The following LRRC49 variants were observed in gnomAD, a reference collection of about 807,000 sequenced individuals.
LRRC49 encodes the protein leucine-rich repeat-containing protein 49.
In LRRC49, 50 loss-of-function variants were observed where a neutral mutation model predicts 83.3. The ratio of observed to expected loss-of-function variants is 0.60; its 90% CI spans 0.48 to 0.76. The LOEUF is 0.76. Ranked by LOEUF, LRRC49 falls within the 30% of genes least tolerant of loss-of-function variation. The probability of loss-of-function intolerance (pLI) is 0.00; values close to 1 mark genes in which losing one functional copy is unlikely to be tolerated. For missense variants in LRRC49, 704 were observed against 809.1 expected (o/e 0.87, Z 1.58); for synonymous variants, 286 against 283.3 (o/e 1.01, Z -0.10).
At chr15:70,910,799 G>T (rs1179017284) in intron 5 of LRRC49, among the ~76,000 whole-genome samples, 2 of 152,066 alleles carry the variant, frequency 1.3e-5, no homozygotes, top group African/African-American at 2.4e-5. Flanking sequence ...TGAGTGCTGG[G>T]GATAGAGTAG....
intron 1 of LRRC49, among the ~76,000 whole-genome samples, chr15:70,866,721 G>GTATA (rs1180107439): frequency 1.3e-5 from 2 of 152,104 alleles, no homozygotes; most frequent in Non-Finnish European, 2.9e-5. Flanking sequence ...CATTGGCTAA[G>GTATA]CAGCACTGGA....
At chr15:71,033,015 A>G (rs1447199462) in intron 14 of LRRC49, among the ~76,000 whole-genome samples, 1 of 152,224 alleles carries the variant, frequency 6.6e-6, no homozygotes, top group African/African-American at 2.4e-5. Context: ...TGGCCAGGGC[A>G]ATCAGGCAAG....
intron 11 of LRRC49, among the ~76,000 whole-genome samples, chr15:71,001,086 A>G (rs2038238681): frequency 6.6e-6 from 1 of 152,300 alleles, no homozygotes; most frequent in East Asian, 1.9e-4. Context: ...CCTTTACCAC[A>G]TTGAGATTTT....
At chr15:70,884,413 G>A (rs2033348323) in intron 2 of LRRC49, among the ~76,000 whole-genome samples, 2 of 152,080 alleles carry the variant, frequency 1.3e-5, no homozygotes, top group African/African-American at 2.4e-5. Flanking sequence ...TCAGCTATTC[G>A]GGAGGCTGAG....
At chr15:70,882,948 C>T (rs1004604265) in intron 2 of LRRC49, 27 of 1,604,092 alleles carry the variant, frequency 1.7e-5, no homozygotes, top group Non-Finnish European at 2.1e-5. Context: ...TTAAAGTGTA[C>T]CTTATAGGAT....
At chr15:70,853,856 G>C (rs1356209962) in intron 1 of LRRC49, 3 of 1,233,786 alleles carry the variant, frequency 2.4e-6, no homozygotes, top group Non-Finnish European at 2.0e-6. Flanking sequence ...CGCCCCCTCG[G>C]GGCCCACCTC....
At chr15:70,941,229 T>G (rs2035802720) in intron 8 of LRRC49, among the ~76,000 whole-genome samples, 1 of 152,196 alleles carries the variant, frequency 6.6e-6, no homozygotes, top group South Asian at 2.1e-4. Flanking sequence ...AAGATCAATT[T>G]GTTTGATCAT....
chr15:71,038,237 T>C (rs2039586125), intron 15 of LRRC49, among the ~76,000 whole-genome samples: 1 of 152,210 alleles, frequency 6.6e-6, no homozygotes, highest in South Asian at 2.1e-4. Flanking sequence ...TCTCTAGATA[T>C]ATAGATATAA....
intron 14 of LRRC49, among the ~76,000 whole-genome samples, chr15:71,020,379 A>G (rs1005269638): frequency 2.6e-5 from 4 of 152,338 alleles, no homozygotes; most frequent in African/African-American, 9.6e-5. Flanking sequence ...TCTAAAAGAC[A>G]CAATGGAGAG....
chr15:70,965,117 C>T (rs1433097712), intron 9 of LRRC49, among the ~76,000 whole-genome samples: 1 of 152,146 alleles, frequency 6.6e-6, no homozygotes, highest in African/African-American at 2.4e-5. Flanking sequence ...TTACCCTTAT[C>T]TCCATGTCTT....
intron 15 of LRRC49, chr15:71,048,933 C>T (rs1008429820): frequency 9.4e-6 from 4 of 426,434 alleles, no homozygotes; most frequent in South Asian, 1.7e-5. Context: ...GTGTAGTGTA[C>T]CATTTTATGC....
intron 8 of LRRC49, 122 bp downstream of exon 8, chr15:70,936,944 A>G (rs1273565222): frequency 3.1e-6 from 2 of 645,746 alleles, no homozygotes; most frequent in Non-Finnish European, 5.4e-6. Flanking sequence ...AAATTAGAAA[A>G]TGATAAGACA....
intron 11 of LRRC49, among the ~76,000 whole-genome samples, chr15:71,007,414 C>A (rs1372891367): frequency 2.0e-5 from 3 of 151,596 alleles, no homozygotes; most frequent in Non-Finnish European, 4.4e-5. Context: ...CAGGAGTATA[C>A]CAAAGACCAT....
chr15:70,870,470 C>A (rs1195730864), intron 1 of LRRC49, among the ~76,000 whole-genome samples: 1 of 152,140 alleles, frequency 6.6e-6, no homozygotes, highest in Non-Finnish European at 1.5e-5. Context: ...TTGGTATAAG[C>A]AGTAGGTAAT....
Position 70,892,974 on chromosome 15 carries a change from C to T in LRRC49, c.48+32C>T, listed in dbSNP as rs769021047. The T allele has an allele frequency of 1.1e-5, 18 of 1,610,734 alleles. No homozygotes were observed. The South Asian group carries it at 1.9e-4, about 17-fold the overall frequency. The stretch of plus-strand genomic sequence containing the variant: ...TGGGCCTTCTACTTTCTCTTTCTTC[C>T]CACTGGTACTCTTTCTGACTGGCGT... On this transcript the variant is annotated intron_variant, in intron 1 of 15. Coordinates refer to ENST00000260382, the MANE Select transcript of LRRC49 (RefSeq NM_017691.5).
upstream of LRRC49, among the ~76,000 whole-genome samples, chr15:70,889,732 A>G (rs530635266): frequency 1.1e-4 from 16 of 152,312 alleles, no homozygotes; most frequent in Admixed American, 3.9e-4. Flanking sequence ...ATATAGCACC[A>G]AGCACCCAGA....
At chr15:70,958,300 A>T (rs963245145) in intron 8 of LRRC49, among the ~76,000 whole-genome samples, 2 of 152,180 alleles carry the variant, frequency 1.3e-5, no homozygotes, top group Non-Finnish European at 2.9e-5. Context: ...TTTCTAAAAT[A>T]CTATTCTGAT....
rs189572894 is a variant in LRRC49, at chr15:70,880,032, A to G, written c.18+6809A>G. ...TACCATTCCAACTTCATCTCTTACC[A>G]TTGTTTGCCTCATTCATTATCTCTA... is the stretch of plus-strand genomic sequence containing the variant. On this transcript the variant is annotated intron_variant, in intron 2 of 16. Transcript: ENST00000544974. Among the ~76,000 whole-genome samples the G allele has an allele frequency of 8.8e-3, 1,333 of 152,154 alleles. 18 individuals carry two copies. The highest frequency in any genetic ancestry group is 0.01 in the Middle Eastern group (3 of 294).
chr15:70,948,372 A>G lies in LRRC49; in HGVS notation c.773+11550A>G, dbSNP rs115069855. On this transcript the variant is annotated intron_variant, in intron 8 of 15. Coordinates refer to ENST00000260382, the MANE Select transcript of LRRC49 (RefSeq NM_017691.5). ...TTCACCTACTGCTTTTCATTCTACC[A>G]CTAAGGCATTAACCCTTGGAGTCAC... is the stretch of plus-strand genomic sequence containing the variant. Among the ~76,000 whole-genome samples, 446 of 152,154 alleles carry G rather than the reference A, an allele frequency of 2.9e-3. 5 individuals carry two copies. The highest frequency in any genetic ancestry group is 0.01 in the African/African-American group (435 of 41,494).
Sources: allele counts gnomAD v4.1 joint callset (sites outside exome capture counted in the v4.1 genomes callset), GRCh38; gene constraint gnomAD v4.1.1; transcripts MANE v1.5; gene names NCBI Gene and HGNC (gene_info 2026-07-23, HGNC 2026-07-21).